The following CHIC2 variants were observed in gnomAD, a reference collection of about 807,000 sequenced individuals.
The protein encoded by CHIC2 is cysteine rich hydrophobic domain 2.
Under a neutral mutation model 25.9 loss-of-function variants are expected in CHIC2, and 14 were observed. That is an observed-to-expected ratio of 0.54 (90% CI 0.36 to 0.85). CHIC2 has a LOEUF of 0.85. CHIC2 is among the 40% of genes least tolerant of loss of function. The pLI is 0.01. For missense variants in CHIC2, 146 were observed against 202.0 expected, an observed-to-expected ratio of 0.72 and a Z score of 1.68; for synonymous variants, 70 against 72.0, an observed-to-expected ratio of 0.97 and a Z score of 0.14.
intron 1 of CHIC2, among the ~76,000 whole-genome samples, chr4:54,062,691 T>A (rs1717374055): frequency 6.6e-6 from 1 of 152,192 alleles, no homozygotes; most frequent in Non-Finnish European, 1.5e-5. Context: ...AGCTTTTCTT[T>A]GACATGAGGA....
the CHIC2 span, among the ~76,000 whole-genome samples, chr4:54,080,942 GTATA>G: frequency 0.11 from 10,827 of 100,226 alleles, 500 homozygotes; most frequent in Non-Finnish European, 0.13. Flanking sequence ...ATGTGTGTGT[GTATA>G]TATATATATA....
chr4:54,022,093 T>C (rs1201216415), intron 3 of CHIC2, among the ~76,000 whole-genome samples: 1 of 152,114 alleles, frequency 6.6e-6, no homozygotes, highest in Non-Finnish European at 1.5e-5. Context: ...GCCAGAAATC[T>C]GGCCACTGAG....
chr4:54,081,005 C>T, the CHIC2 span, among the ~76,000 whole-genome samples: 1 of 119,222 alleles, frequency 8.4e-6, no homozygotes, highest in African/African-American at 2.9e-5. Flanking sequence ...ACACATATAC[C>T]TTAAATATAT....
chr4:54,015,701 C>T (rs1560380856), intron 3 of CHIC2, among the ~76,000 whole-genome samples: 1 of 152,124 alleles, frequency 6.6e-6, no homozygotes, highest in Non-Finnish European at 1.5e-5. Flanking sequence ...GTCTTTAGCA[C>T]AATGCAACTT....
the CHIC2 span, among the ~76,000 whole-genome samples, chr4:54,086,594 T>C: frequency 6.6e-6 from 1 of 152,136 alleles, no homozygotes; most frequent in Non-Finnish European, 1.5e-5. Context: ...AAGTGATGAC[T>C]GCTATGGGAG....
chr4:54,086,160 T>C, the CHIC2 span, among the ~76,000 whole-genome samples: 2 of 152,128 alleles, frequency 1.3e-5, no homozygotes, highest in Admixed American at 6.5e-5. Context: ...TAGGAAAGCA[T>C]GTAAACAAGA....
the CHIC2 span, among the ~76,000 whole-genome samples, chr4:54,071,713 G>A: frequency 2.6e-5 from 4 of 152,194 alleles, no homozygotes; most frequent in Non-Finnish European, 5.9e-5. Context: ...AATGGCTCAC[G>A]CCTGTAATCC....
intron 1 of CHIC2, chr4:54,060,336 A>T (rs1717293475): frequency 1.3e-5 from 2 of 152,228 alleles, no homozygotes; most frequent in African/African-American, 4.8e-5. Context: ...GTTGAAGGAT[A>T]AGGAATTATT....
the CHIC2 span, among the ~76,000 whole-genome samples, chr4:54,082,138 A>G: frequency 6.6e-6 from 1 of 152,250 alleles, no homozygotes; most frequent in African/African-American, 2.4e-5. Context: ...GTGATACTGT[A>G]TATGATTTTG....
chr4:54,027,223 C>G (rs907473817), intron 3 of CHIC2, among the ~76,000 whole-genome samples: 3 of 152,132 alleles, frequency 2.0e-5, no homozygotes, highest in African/African-American at 4.8e-5. Context: ...CTTCTATAAA[C>G]CACCACACCA....
At chr4:54,087,286 A>G in the CHIC2 span, 169 of 580,730 alleles carry the variant, frequency 2.9e-4, 1 homozygote, top group Middle Eastern at 7.9e-3. Context: ...TGGAAGTTAA[A>G]GTGAAGATGC....
upstream of CHIC2, chr4:54,064,713 A>G: frequency 1.0e-6 from 1 of 970,710 alleles, no homozygotes; most frequent in Non-Finnish European, 1.2e-6. The surrounding 1 kb of genome is among the most constrained non-coding windows in gnomAD (Gnocchi z 4.2). Flanking sequence ...GGGCGAGCGG[A>G]CTGGCTGGCG....
At chr4:54,033,723 AT>A (rs1364638229) in intron 3 of CHIC2, among the ~76,000 whole-genome samples, 12 of 152,182 alleles carry the variant, frequency 7.9e-5, no homozygotes, top group African/African-American at 2.9e-4. Flanking sequence ...GATTTTAAAA[AT>A]ATATATAGGC....
intron 3 of CHIC2, 186 bp downstream of exon 3, chr4:54,048,769 T>C (rs1716910045): frequency 2.3e-6 from 1 of 443,278 alleles, no homozygotes. Flanking sequence ...AATTTTTAGA[T>C]GGCTATTTAA....
intron 5 of CHIC2, among the ~76,000 whole-genome samples, 154 bp downstream of exon 5, chr4:54,013,683 G>T (rs1423459042): frequency 6.6e-6 from 1 of 152,096 alleles, no homozygotes; most frequent in African/African-American, 2.4e-5. Flanking sequence ...TCTTGCACAT[G>T]AAACCATGCA....
At chr4:54,087,151 GAACA>G in the CHIC2 span, 2 of 781,800 alleles carry the variant, frequency 2.6e-6, no homozygotes, top group Non-Finnish European at 4.6e-6. Context: ...AGACCAGAAA[GAACA>G]AACAGAGGAC....
the CHIC2 span, among the ~76,000 whole-genome samples, chr4:54,078,927 C>A: frequency 0.01 from 1,544 of 151,972 alleles, 24 homozygotes; most frequent in African/African-American, 0.034. Context: ...TAAAACTTCC[C>A]CTTACAGAGC....
intron 3 of CHIC2, among the ~76,000 whole-genome samples, chr4:54,044,972 C>T (rs1716735231): frequency 6.6e-6 from 1 of 151,434 alleles, no homozygotes; most frequent in Admixed American, 6.6e-5. Context: ...GGGATATCAC[C>T]ACCGATCCCA....
Position 54,013,883 on chromosome 4 carries a change from C to T in CHIC2, c.401G>A (p.Trp134Ter), listed in dbSNP as rs771553428. 6.2e-7 allele frequency: 1 copy of T among 1,613,332 alleles called. No individual in the cohort carries two copies. The highest frequency in any genetic ancestry group is 8.5e-7 in the Non-Finnish European group (1 of 1,179,498). ...NRLYHKLCLH[W>*]RLSKRKCETN... ...TTCACATTTCCTTTTGCTCAGTCTC[C>T]AATGCAAGCACAGCTAGACAAGTAG... The change falls in exon 5 of 6, where the codon TGG (tryptophan) becomes TAG (stop). Residue 134 changes from tryptophan (W) to a stop codon, truncating the protein, a stop_gained. Transcript: ENST00000263921. LOFTEE classifies it high-confidence loss of function.
Sources: allele counts gnomAD v4.1 joint callset (sites outside exome capture counted in the v4.1 genomes callset), GRCh38; gene constraint gnomAD v4.1.1; non-coding constraint Gnocchi (gnomAD v3.1); transcripts MANE v1.5; gene names NCBI Gene and HGNC (gene_info 2026-07-23, HGNC 2026-07-21).